The following ZFHX3 variants were observed in gnomAD, a reference collection of about 807,000 sequenced individuals.
ZFHX3 encodes zinc finger homeobox 3, also known as zinc finger homeobox protein 3.
A neutral mutation model predicts 279.1 loss-of-function variants in ZFHX3; 42 were observed. The ratio of observed to expected loss-of-function variants is 0.15; its 90% confidence interval spans 0.12 to 0.19. ZFHX3 has a LOEUF of 0.19. ZFHX3 is among the 10% of genes least tolerant of loss of function. ZFHX3 has a pLI of 1.00. For missense variants in ZFHX3, 4,981 were observed against 4,754.0 expected, an observed-to-expected ratio of 1.05 and a Z score of -1.40; for synonymous variants, 2,293 against 1,957.8, an observed-to-expected ratio of 1.17 and a Z score of -4.52.
At chr16:72,900,940 T>G (rs550011138) in intron 3 of ZFHX3, among the ~76,000 whole-genome samples, 2 of 152,194 alleles carry the variant, frequency 1.3e-5, no homozygotes, top group Non-Finnish European at 2.9e-5. Context: ...GCACTTGGCT[T>G]TTCCCAAAGA....
At chr16:73,847,915 T>TG (rs1961491118) in intron 1 of ZFHX3, among the ~76,000 whole-genome samples, 2 of 144,934 alleles carry the variant, frequency 1.4e-5, no homozygotes, top group African/African-American at 5.1e-5. Context: ...TTTTTTTTTT[T>TG]TTTTTTTTTT....
chr16:73,443,928 T>C (rs1567485938), intron 3 of ZFHX3, among the ~76,000 whole-genome samples: 1 of 152,052 alleles, frequency 6.6e-6, no homozygotes, highest in Non-Finnish European at 1.5e-5. Context: ...CTAATTTTTT[T>C]ATTTTCTTTA....
chr16:73,024,140 C>CA (rs1295248089), intron 1 of ZFHX3, among the ~76,000 whole-genome samples: 1 of 152,192 alleles, frequency 6.6e-6, no homozygotes, highest in Admixed American at 6.5e-5. Flanking sequence ...GTAAAGTCCA[C>CA]AGAGCCCCCT....
intron 1 of ZFHX3, among the ~76,000 whole-genome samples, chr16:72,968,622 G>A (rs1474924798): frequency 6.6e-6 from 1 of 151,892 alleles, no homozygotes; most frequent in Non-Finnish European, 1.5e-5. Flanking sequence ...CACCACGCCT[G>A]GCTAATTTTT....
intron 4 of ZFHX3, among the ~76,000 whole-genome samples, chr16:73,262,355 T>C (rs62054683): frequency 0.31 from 46,480 of 152,104 alleles, 7,343 homozygotes; most frequent in Middle Eastern, 0.49. Context: ...AGAATTGTGA[T>C]ACTCCAGGGA....
At position 73,296,877 on chromosome 16, in the gene ZFHX3, A is replaced by ATTTTTTTTTTTTTT. The variant is rs201366558; in HGVS notation, c.-1194+21349_-1194+21362dup. 8.0e-4 allele frequency among the ~76,000 whole-genome samples: 93 copies of ATTTTTTTTTTTTTT among 116,058 alleles called. 5 individuals carry two copies. The highest frequency in any genetic ancestry group is 2.6e-3 in the African/African-American group (76 of 28,718). 76.1% of individuals were successfully genotyped at this position (116,058 alleles called of 152,430 possible). A position where few individuals can be genotyped will look rare whatever the true frequency, so the allele number is the denominator to read the frequency against. ...TTTATAATTGCCATGTGAAGCAGGAATTTTTTTTTTTTTTTTTTTGAGACG... is the reference window on the plus strand; with the variant it reads ...TTTATAATTGCCATGTGAAGCAGGAATTTTTTTTTTTTTTTTTTTTTTTTTTTTTTTTTGAGACG... On this transcript the variant is annotated intron_variant, in intron 4 of 17. Coordinates refer to the ZFHX3 transcript ENST00000641206.
intron 1 of ZFHX3, among the ~76,000 whole-genome samples, chr16:73,832,403 G>A (rs1348802222): frequency 6.6e-6 from 1 of 152,052 alleles, no homozygotes; most frequent in Non-Finnish European, 1.5e-5. Flanking sequence ...TTAAGAAACA[G>A]TACAAAGACC....
intron 1 of ZFHX3, among the ~76,000 whole-genome samples, chr16:73,772,420 G>C (rs566784743): frequency 6.6e-6 from 1 of 152,130 alleles, no homozygotes; most frequent in Admixed American, 6.5e-5. Flanking sequence ...GCCATCACGC[G>C]AACAGCATGG....
intron 3 of ZFHX3, among the ~76,000 whole-genome samples, chr16:73,418,804 T>C (rs1345115953): frequency 6.6e-6 from 1 of 152,190 alleles, no homozygotes; most frequent in Non-Finnish European, 1.5e-5. Context: ...TGGCAAAACA[T>C]TTACATTCCT....
intron 2 of ZFHX3, among the ~76,000 whole-genome samples, chr16:73,519,896 G>C (rs1032880700): frequency 6.6e-6 from 1 of 152,140 alleles, no homozygotes; most frequent in African/African-American, 2.4e-5. Flanking sequence ...CAAAACAAAA[G>C]TTTCTAGGAA....
intron 5 of ZFHX3, among the ~76,000 whole-genome samples, chr16:73,219,527 G>A (rs2012337019): frequency 6.6e-6 from 1 of 152,208 alleles, no homozygotes; most frequent in Non-Finnish European, 1.5e-5. Context: ...ATAATACTGA[G>A]GCATGCCCAG....
chr16:73,522,431 T>G (rs958028603), intron 2 of ZFHX3, among the ~76,000 whole-genome samples: 8 of 152,044 alleles, frequency 5.3e-5, no homozygotes, highest in Non-Finnish European at 1.2e-4. Flanking sequence ...ATGGGGGGAG[T>G]TCCTAGGCAT....
chr16:73,265,859 A>T (rs1336768208), intron 4 of ZFHX3, among the ~76,000 whole-genome samples: 2 of 152,234 alleles, frequency 1.3e-5, no homozygotes, highest in African/African-American at 4.8e-5. Flanking sequence ...GTCAAAGCAT[A>T]AAGGGTCCTG....
chr16:72,807,597 T>C (rs1305337397), intron 7 of ZFHX3: 1 of 152,224 alleles, frequency 6.6e-6, no homozygotes, highest in Non-Finnish European at 1.5e-5. Context: ...CATTTACAAC[T>C]GAACAGAAAG....
intron 4 of ZFHX3, among the ~76,000 whole-genome samples, chr16:73,314,699 C>A (rs1008634168): frequency 6.6e-6 from 1 of 152,168 alleles, no homozygotes; most frequent in Non-Finnish European, 1.5e-5. Flanking sequence ...CTCCTCCTAC[C>A]AAATGGCCAC....
chr16:73,001,952 T>A, intron 1 of ZFHX3, among the ~76,000 whole-genome samples: 1 of 152,168 alleles, frequency 6.6e-6, no homozygotes, highest in Non-Finnish European at 1.5e-5. Context: ...CAAGCCCACA[T>A]TCCGGTCCAT....
intron 3 of ZFHX3, among the ~76,000 whole-genome samples, chr16:73,397,141 A>C (rs775254241): frequency 6.6e-6 from 1 of 152,218 alleles, no homozygotes; most frequent in Non-Finnish European, 1.5e-5. Flanking sequence ...ATAGCAGTCT[A>C]TGCACTCATG....
intron 1 of ZFHX3, among the ~76,000 whole-genome samples, chr16:73,775,692 C>G (rs895200029): frequency 6.6e-6 from 1 of 152,142 alleles, no homozygotes; most frequent in Admixed American, 6.6e-5. Flanking sequence ...TACCTTACCC[C>G]AGAGGAAATA....
chr16:72,812,459 A>C (rs1468458441), intron 5 of ZFHX3, among the ~76,000 whole-genome samples: 2 of 152,202 alleles, frequency 1.3e-5, no homozygotes, highest in Admixed American at 1.3e-4. Context: ...GAAATGTAAG[A>C]AGAGATGTGC....
Sources: allele counts gnomAD v4.1 joint callset (sites outside exome capture counted in the v4.1 genomes callset), GRCh38; gene constraint gnomAD v4.1.1; transcripts MANE v1.5; gene names NCBI Gene and HGNC (gene_info 2026-07-23, HGNC 2026-07-21).